Variants in CEP63 observed in about 807,000 individuals in gnomAD.
CEP63 encodes the protein centrosomal protein 63.
A neutral mutation model predicts 89.1 loss-of-function variants in CEP63; 84 were observed. That is an observed-to-expected ratio of 0.94 (90% CI 0.79 to 1.13). CEP63 has a LOEUF of 1.13. Among genes scored for constraint, CEP63 ranks in the 50% most tolerant of loss-of-function variants. The probability of loss-of-function intolerance (pLI) is 0.00; values close to 1 mark genes in which losing one functional copy is unlikely to be tolerated. For synonymous variants in CEP63, 267 were observed against 272.5 expected (o/e 0.98, Z 0.20); for missense variants, 838 against 813.3 (o/e 1.03, Z -0.37).
the CEP63 span, among the ~76,000 whole-genome samples, chr3:134,693,023 C>T: frequency 6.6e-6 from 1 of 152,206 alleles, no homozygotes; most frequent in Admixed American, 6.5e-5. Context: ...GTGGAGACTT[C>T]CAGTTGCCCA....
chr3:134,542,892 T>C (rs1331125061), intron 6 of CEP63, among the ~76,000 whole-genome samples: 1 of 150,428 alleles, frequency 6.6e-6, no homozygotes, highest in Non-Finnish European at 1.5e-5. Flanking sequence ...AAATGTTAGA[T>C]TAATAAGAGG....
chr3:134,558,802 AC>A (rs1956769947), intron 13 of CEP63, among the ~76,000 whole-genome samples: 1 of 152,052 alleles, frequency 6.6e-6, no homozygotes, highest in Non-Finnish European at 1.5e-5. Flanking sequence ...CTTTGCTGAC[AC>A]CCTCACCTCC....
chr3:134,523,278 C>G (rs1038338508), intron 3 of CEP63, among the ~76,000 whole-genome samples: 1 of 151,952 alleles, frequency 6.6e-6, no homozygotes, highest in Non-Finnish European at 1.5e-5. Context: ...CTTTTAAGTT[C>G]TTTATAGATG....
chr3:134,653,771 A>G, the CEP63 span, among the ~76,000 whole-genome samples: 3 of 152,142 alleles, frequency 2.0e-5, no homozygotes, highest in Non-Finnish European at 2.9e-5. Context: ...AACGGGACAA[A>G]TAACAGAACG....
At chr3:134,524,623 C>T (rs9871090) in intron 3 of CEP63, among the ~76,000 whole-genome samples, 100,155 of 151,958 alleles carry the variant, frequency 0.66, 33,399 homozygotes, top group East Asian at 0.81. Context: ...GCCTTTTCTG[C>T]ATCTATTGAG....
At chr3:134,499,782 C>G (rs1941386317) in intron 2 of CEP63, among the ~76,000 whole-genome samples, 1 of 141,010 alleles carries the variant, frequency 7.1e-6, no homozygotes, top group Non-Finnish European at 1.5e-5. Context: ...CCCTTGCCTT[C>G]TTTTGGAGTC....
At chr3:134,610,108 G>T in the CEP63 span, 1 of 1,430,782 alleles carries the variant, frequency 7.0e-7, no homozygotes, top group Non-Finnish European at 9.6e-7. Context: ...CTCCCGCTTG[G>T]TCTTCTCCAC....
the CEP63 span, among the ~76,000 whole-genome samples, chr3:134,763,825 C>T: frequency 6.6e-6 from 1 of 152,204 alleles, no homozygotes; most frequent in African/African-American, 2.4e-5. Context: ...AGTGAATGCT[C>T]TTCAGGCTCC....
chr3:134,664,929 G>C, the CEP63 span, among the ~76,000 whole-genome samples: 2 of 152,240 alleles, frequency 1.3e-5, no homozygotes, highest in East Asian at 3.9e-4. Flanking sequence ...TTCTCAGGTT[G>C]CTTTGGAGTC....
the CEP63 span, chr3:134,603,488 G>A: frequency 8.7e-7 from 1 of 1,145,744 alleles, no homozygotes; most frequent in Non-Finnish European, 1.2e-6. Flanking sequence ...TGCAGACTCA[G>A]TGGTGTCCAG....
chr3:134,509,852 T>A (rs886913975), intron 3 of CEP63, among the ~76,000 whole-genome samples: 2 of 152,220 alleles, frequency 1.3e-5, no homozygotes. Context: ...AGGTTTTGAG[T>A]ATATATAAAT....
chr3:134,543,951 G>A (rs1373538876), intron 6 of CEP63, among the ~76,000 whole-genome samples: 2 of 114,214 alleles, frequency 1.8e-5, no homozygotes, highest in Admixed American at 2.1e-4. Context: ...TACCATTGTA[G>A]GGATCTGGTT....
chr3:134,558,704 G>T (rs1046572946), intron 13 of CEP63, among the ~76,000 whole-genome samples: 5 of 152,086 alleles, frequency 3.3e-5, no homozygotes, highest in Admixed American at 3.3e-4. Context: ...ATTTGTTATA[G>T]GCTGTTACCG....
intron 3 of CEP63, among the ~76,000 whole-genome samples, chr3:134,513,497 A>G (rs9985481): frequency 0.2 from 31,035 of 152,112 alleles, 3,421 homozygotes; most frequent in African/African-American, 0.29. Context: ...TTTTGCTTGA[A>G]GTAAAATGCT....
At chr3:134,594,493 G>A in the CEP63 span, among the ~76,000 whole-genome samples, 1 of 152,198 alleles carries the variant, frequency 6.6e-6, no homozygotes, top group South Asian at 2.1e-4. Context: ...GGATTCCCCC[G>A]AGAAGAACGG....
At chr3:134,664,013 G>C in the CEP63 span, among the ~76,000 whole-genome samples, 1 of 152,200 alleles carries the variant, frequency 6.6e-6, no homozygotes, top group Non-Finnish European at 1.5e-5. Flanking sequence ...CTGCTGGGCT[G>C]CTGCAGGGGT....
the CEP63 span, chr3:134,629,459 T>A: frequency 1.7e-6 from 1 of 578,924 alleles, no homozygotes; most frequent in Non-Finnish European, 3.1e-6. Flanking sequence ...GAGAAAAGAG[T>A]CTCCCAGGAT....
chr3:134,701,378 A>ATACG, the CEP63 span, among the ~76,000 whole-genome samples: 1 of 38,256 alleles, frequency 2.6e-5, no homozygotes, highest in South Asian at 9.4e-4. Flanking sequence ...ACACACACAT[A>ATACG]TATACGTATA....
intron 2 of CEP63, among the ~76,000 whole-genome samples, chr3:134,497,741 T>A (rs529431375): frequency 6.7e-6 from 1 of 149,176 alleles, no homozygotes; most frequent in Admixed American, 6.6e-5. Context: ...TTGAGTTGAT[T>A]TTTTTTTTAA....
Sources: allele counts gnomAD v4.1 joint callset (sites outside exome capture counted in the v4.1 genomes callset), GRCh38; gene constraint gnomAD v4.1.1; transcripts MANE v1.5; gene names NCBI Gene and HGNC (gene_info 2026-07-23, HGNC 2026-07-21).